The following RAF1 variants were observed in gnomAD, a reference collection of about 807,000 sequenced individuals.
The protein encoded by RAF1 is RAF proto-oncogene serine/threonine-protein kinase.
RAF1 carries 27 observed loss-of-function variants against 81.1 expected under a neutral mutation model. That is an observed-to-expected ratio of 0.33 (90% CI 0.25 to 0.46). The LOEUF is 0.46. Among genes scored for constraint, RAF1 ranks in the 20% least tolerant of loss-of-function variants. The pLI is 1.00. For missense variants in RAF1, 598 were observed against 826.0 expected, an observed-to-expected ratio of 0.72 and a Z score of 3.38; for synonymous variants, 298 against 294.0, an observed-to-expected ratio of 1.01 and a Z score of -0.14.
At chr3:12,588,131 GT>G (rs2058390571) in intron 13 of RAF1, 1 of 152,448 alleles carries the variant, frequency 6.6e-6, no homozygotes, top group African/African-American at 2.4e-5. Flanking sequence ...TCAAGCATCA[GT>G]TTTACTCTAA....
At position 12,661,534 on chromosome 3, in the gene RAF1, C is replaced by T. The variant is rs141385582; in HGVS notation, c.-27+2279G>A. Among the ~76,000 whole-genome samples the T allele has an allele frequency of 4.7e-3, 708 of 151,972 alleles. 8 individuals are homozygous for T. Among genetic ancestry groups the T allele is most frequent in the African/African-American group, 0.016 (658 of 41,444 alleles). The stretch of plus-strand genomic sequence containing the variant: ...CCAGCCTGGCCAACACGACAAAACC[C>T]CATCTCTACTAAAAATACAAAAATC... On this transcript the variant is annotated intron_variant, in intron 1 of 17. Transcript: ENST00000442415.
intron 1 of RAF1, among the ~76,000 whole-genome samples, chr3:12,663,566 G>A (rs1199243253): frequency 6.6e-6 from 1 of 152,234 alleles, no homozygotes; most frequent in Non-Finnish European, 1.5e-5. Context: ...GGTGGCGTTG[G>A]CACGTTTCCG....
At chr3:12,642,363 G>A (rs1355634576) in intron 1 of RAF1, among the ~76,000 whole-genome samples, 1 of 150,356 alleles carries the variant, frequency 6.7e-6, no homozygotes, top group African/African-American at 2.5e-5. Context: ...ACAACAACTA[G>A]CCAGGCGTAG....
intron 5 of RAF1, among the ~76,000 whole-genome samples, chr3:12,606,602 G>A (rs1428591124): frequency 6.6e-6 from 1 of 152,004 alleles, no homozygotes; most frequent in Non-Finnish European, 1.5e-5. Context: ...GTGCAGAGGT[G>A]TAATGGCGGC....
Position 12,663,991 on chromosome 3 carries a change from G to T in RAF1, c.-205C>A. ...AAACGCGCTCCGCGCCTCAGGGCAC[G>T]CGCCCCAAAGCCCGGCCAGCTGACC... On this transcript the variant is annotated 5_prime_UTR_variant, in exon 1 of 18. Transcript: ENST00000442415. The T allele has an allele frequency of 2.5e-6, 1 of 398,552 alleles. No individual in the cohort carries two copies. Among genetic ancestry groups the T allele is most frequent in the Non-Finnish European group, 4.4e-6 (1 of 226,008 alleles). The allele number at this position is 398,552 out of a possible 1,614,324, so 24.7% of individuals were successfully genotyped here.
intron 1 of RAF1, among the ~76,000 whole-genome samples, chr3:12,642,102 C>T (rs1433294621): frequency 2.6e-5 from 4 of 151,724 alleles, no homozygotes; most frequent in African/African-American, 4.8e-5. Context: ...GAGCCCAGAT[C>T]GTGCCATTGC....
chr3:12,652,904 G>A (rs919688255), intron 1 of RAF1, among the ~76,000 whole-genome samples: 1 of 151,698 alleles, frequency 6.6e-6, no homozygotes, highest in African/African-American at 2.4e-5. Context: ...TTAAGCCACT[G>A]CACTCCAGCC....
At chr3:12,621,948 G>A (rs1298030668) in intron 1 of RAF1, among the ~76,000 whole-genome samples, 1 of 151,998 alleles carries the variant, frequency 6.6e-6, no homozygotes, top group Admixed American at 6.6e-5. Context: ...GACTGTGAAG[G>A]GTTTTTATTT....
At chr3:12,643,121 A>G (rs772307970) in intron 1 of RAF1, among the ~76,000 whole-genome samples, 4 of 152,266 alleles carry the variant, frequency 2.6e-5, no homozygotes, top group Non-Finnish European at 5.9e-5. Context: ...CCCACCCATA[A>G]CACTGCATCT....
At chr3:12,609,088 A>ATCT in intron 4 of RAF1, 145 bp downstream of exon 4, 2 of 1,015,138 alleles carry the variant, frequency 2.0e-6, no homozygotes, top group Non-Finnish European at 1.5e-6. Context: ...AATGAAATCT[A>ATCT]AATTGCCTTA....
intron 1 of RAF1, among the ~76,000 whole-genome samples, chr3:12,619,229 A>G (rs1050081718): frequency 3.3e-5 from 5 of 151,442 alleles, no homozygotes; most frequent in Admixed American, 2.0e-4. Flanking sequence ...TGGGTGACAG[A>G]GCAAGACTCC....
At chr3:12,595,249 T>A (rs1255626588) in intron 11 of RAF1, among the ~76,000 whole-genome samples, 1 of 152,048 alleles carries the variant, frequency 6.6e-6, no homozygotes, top group Non-Finnish European at 1.5e-5. Context: ...ATTTTTAAAA[T>A]TTTTTGTAGA....
At chr3:12,642,671 T>TATAC (rs1553622057) in intron 1 of RAF1, among the ~76,000 whole-genome samples, 1 of 117,014 alleles carries the variant, frequency 8.5e-6, no homozygotes, top group African/African-American at 3.3e-5. Context: ...ACACCATCTC[T>TATAC]ACACACACAC....
chr3:12,634,153 CTT>C (rs71063851), intron 1 of RAF1, among the ~76,000 whole-genome samples: 103 of 141,426 alleles, frequency 7.3e-4, no homozygotes, highest in South Asian at 1.1e-3. Flanking sequence ...TCCTTTCTCT[CTT>C]TTTTTTTTTT....
chr3:12,634,815 G>A (rs1403066294), intron 1 of RAF1, among the ~76,000 whole-genome samples: 2 of 152,108 alleles, frequency 1.3e-5, no homozygotes, highest in Non-Finnish European at 2.9e-5. Flanking sequence ...TTTGGAGGAG[G>A]TGAATGGTAA....
At chr3:12,587,509 G>T in intron 14 of RAF1, 82 bp downstream of exon 13, 1 of 1,296,564 alleles carries the variant, frequency 7.7e-7, no homozygotes, top group Non-Finnish European at 1.1e-6. Context: ...GGCACCGAGA[G>T]CCACTTGTGA....
chr3:12,663,537 G>A (rs538173793), intron 1 of RAF1, among the ~76,000 whole-genome samples: 1 of 152,366 alleles, frequency 6.6e-6, no homozygotes, highest in African/African-American at 2.4e-5. Context: ...CCAAATATGA[G>A]GAATGCGCAT....
rs2125347622 is a variant in RAF1, at chr3:12,591,752, G to A, written c.1209C>T (p.Thr403=). 6.2e-7 allele frequency: 1 copy of A among 1,614,138 alleles called. No individual in the cohort carries two copies. The highest frequency in any genetic ancestry group is 8.5e-7 in the Non-Finnish European group (1 of 1,180,022). Residue 403 remains threonine (T), a synonymous_variant, in exon 12 of 18, where the codon ACC becomes ACT. Transcript: ENST00000442415. ...TCCTGAAGGCCTGGAATTGCTCTGGGGTTGGGTCGACAACCTTTAGGATCT... is the reference window on the plus strand; with the variant it reads ...TCCTGAAGGCCTGGAATTGCTCTGGAGTTGGGTCGACAACCTTTAGGATCT...
chr3:12,663,774 C>T (rs1195475966), intron 1 of RAF1, 39 bp downstream of exon 1: 3 of 396,176 alleles, frequency 7.6e-6, no homozygotes, highest in Non-Finnish European at 8.9e-6. Context: ...CCCCGCCGCC[C>T]GGCTCCCCCG....
Sources: gnomAD v4.1 joint callset for allele counts (sites outside exome capture counted in the v4.1 genomes callset) on GRCh38, gnomAD v4.1.1 for gene constraint, MANE v1.5 for transcripts, NCBI Gene and HGNC (gene_info 2026-07-23, HGNC 2026-07-21) for gene names.